Variants in TSPEAR observed in about 807,000 individuals in gnomAD.
TSPEAR encodes the protein thrombospondin-type laminin G domain and EAR repeat-containing protein.
In TSPEAR, 69 loss-of-function variants were observed where a neutral mutation model predicts 71.6. The ratio of observed to expected loss-of-function variants is 0.96; its 90% confidence interval spans 0.79 to 1.18. The LOEUF (loss-of-function observed/expected upper bound fraction) is 1.18. TSPEAR is among the 50% of genes most tolerant of loss of function. TSPEAR has a pLI of 0.00. For synonymous variants in TSPEAR, 402 were observed against 387.2 expected, an observed-to-expected ratio of 1.04 and a Z score of -0.45; for missense variants, 971 against 894.9, an observed-to-expected ratio of 1.09 and a Z score of -1.09.
chr21:44,500,723 C>T (rs1208637803), intron 11 of TSPEAR, among the ~76,000 whole-genome samples: 1 of 152,164 alleles, frequency 6.6e-6, no homozygotes, highest in African/African-American at 2.4e-5. Flanking sequence ...GAGGACAAAT[C>T]CCTTATAATG....
At chr21:44,691,794 T>A (rs1005578070) in intron 1 of TSPEAR, among the ~76,000 whole-genome samples, 5 of 152,168 alleles carry the variant, frequency 3.3e-5, no homozygotes, top group Non-Finnish European at 5.9e-5. Flanking sequence ...TTTTTTAAAA[T>A]TTAACAAAAA....
chr21:44,606,881 G>A (rs1433051964), intron 1 of TSPEAR, among the ~76,000 whole-genome samples: 3 of 152,108 alleles, frequency 2.0e-5, no homozygotes, highest in Non-Finnish European at 4.4e-5. Context: ...AGAGGAATGG[G>A]GAAGGGAGAT....
chr21:44,601,281 C>T lies in TSPEAR; in HGVS notation c.83-33276G>A, dbSNP rs781902497. 1.5e-5 allele frequency: 24 copies of T among 1,609,172 alleles called. No individual in the cohort carries two copies. The South Asian group carries it at 2.3e-4, about 16-fold the overall frequency. ...CTAGCTGCAAGCCGGCTTGCTGCAC[C>T]TCCTCCCCTTGCCAGCAGGCCTGCT... is the stretch of plus-strand genomic sequence containing the variant. On this transcript the variant is annotated intron_variant, in intron 1 of 11. Transcript: ENST00000323084.
At chr21:44,589,707 G>A (rs782236601) in intron 1 of TSPEAR, among the ~76,000 whole-genome samples, 22 of 152,192 alleles carry the variant, frequency 1.4e-4, no homozygotes, top group Non-Finnish European at 1.9e-4. Context: ...GGGTCCTGTC[G>A]GTGCCTCGGA....
chr21:44,668,567 G>T (rs1005206959), intron 1 of TSPEAR, among the ~76,000 whole-genome samples: 2 of 152,190 alleles, frequency 1.3e-5, no homozygotes, highest in African/African-American at 4.8e-5. Flanking sequence ...GGAGTCTCAA[G>T]GGACCCTAAA....
chr21:44,678,163 T>C (rs1175298339), intron 1 of TSPEAR: 3 of 521,124 alleles, frequency 5.8e-6, no homozygotes, highest in Non-Finnish European at 3.5e-6. Context: ...TGTGTACATA[T>C]GTCAAGGATG....
rs782607430 is a variant in TSPEAR, at chr21:44,531,168, G to A, written c.543-35C>T. 1.0e-5 allele frequency: 16 copies of A among 1,560,956 alleles called. No individual in the cohort carries two copies. The South Asian group carries it at 1.2e-4, about 12-fold the overall frequency. On this transcript the variant is annotated intron_variant, in intron 3 of 11. Coordinates refer to ENST00000323084, the MANE Select transcript of TSPEAR (RefSeq NM_144991.3). Reference sequence around the variant, plus strand: ...TCAAAGGACTGTGTTAGGGCCATAGGAGAGTGGTCACCCCAGTTTACTCAC... The same window carrying A: ...TCAAAGGACTGTGTTAGGGCCATAGAAGAGTGGTCACCCCAGTTTACTCAC...
intron 2 of TSPEAR, chr21:44,551,083 A>C (rs781956269): frequency 6.4e-7 from 1 of 1,573,886 alleles, no homozygotes; most frequent in Non-Finnish European, 8.7e-7. Context: ...GCTGGCTGGC[A>C]GCTAGACTGC....
intron 1 of TSPEAR, among the ~76,000 whole-genome samples, chr21:44,635,902 C>T (rs1430639780): frequency 2.0e-5 from 3 of 152,190 alleles, no homozygotes; most frequent in Non-Finnish European, 4.4e-5. Flanking sequence ...CATTTTAAAT[C>T]TTGTTTGCTC....
At chr21:44,702,575 C>T (rs1051315026) in intron 1 of TSPEAR, 1 of 1,608,540 alleles carries the variant, frequency 6.2e-7, no homozygotes, top group African/African-American at 1.3e-5. Flanking sequence ...TGCCAGCCGG[C>T]TTGCTGCACT....
chr21:44,657,913 C>T, intron 1 of TSPEAR: 1 of 1,513,060 alleles, frequency 6.6e-7, no homozygotes, highest in Non-Finnish European at 9.1e-7. Flanking sequence ...GGTATAAAGA[C>T]CACCAGAGAA....
chr21:44,526,055 T>C (rs2052848993), intron 7 of TSPEAR: 1 of 460,852 alleles, frequency 2.2e-6, no homozygotes. Context: ...AATGTCCATA[T>C]TCTTTACCCA....
intron 1 of TSPEAR, chr21:44,677,716 G>C (rs1432014969): frequency 2.8e-6 from 4 of 1,428,170 alleles, no homozygotes; most frequent in Non-Finnish European, 3.9e-6. Flanking sequence ...TGTGAGGCAG[G>C]CTGTTTAAAT....
chr21:44,552,625 C>T (rs868938792), intron 2 of TSPEAR, among the ~76,000 whole-genome samples: 10 of 152,180 alleles, frequency 6.6e-5, no homozygotes, highest in African/African-American at 1.2e-4. Flanking sequence ...AGAAATGAGA[C>T]GTGAACCTCT....
In TSPEAR at chr21:44,695,943, T is replaced by C. The variant is rs753588185; in HGVS notation, c.82+15490A>G. ...GCAGAGCCAAGCAGCTCTCCCTTAATCTCAGGATCCTCCAGGCTAGATGAG... is the reference window on the plus strand; with the variant it reads ...GCAGAGCCAAGCAGCTCTCCCTTAACCTCAGGATCCTCCAGGCTAGATGAG... On this transcript the variant is annotated intron_variant, in intron 1 of 11. Coordinates refer to ENST00000323084, the MANE Select transcript of TSPEAR (RefSeq NM_144991.3). The surrounding 1 kb of genome is among the most constrained non-coding windows in gnomAD (Gnocchi z 4.5). Among the ~76,000 whole-genome samples, 10 of 152,170 alleles carry C rather than the reference T, an allele frequency of 6.6e-5. No homozygotes were observed. Among genetic ancestry groups the C allele is most frequent in the Non-Finnish European group, 1.3e-4 (9 of 68,034 alleles).
At chr21:44,517,739 A>G (rs1281249516) in intron 9 of TSPEAR, 4 of 470,896 alleles carry the variant, frequency 8.5e-6, no homozygotes, top group Middle Eastern at 3.2e-4. Context: ...CTCTGTGGAC[A>G]TCACTCGCCT....
intron 1 of TSPEAR, among the ~76,000 whole-genome samples, chr21:44,665,579 A>C (rs1985708343): frequency 6.6e-6 from 1 of 152,158 alleles, no homozygotes; most frequent in African/African-American, 2.4e-5. Flanking sequence ...ATATGACTCA[A>C]CTCTATTTTT....
intron 1 of TSPEAR, chr21:44,602,118 T>G: frequency 2.9e-6 from 1 of 341,366 alleles, no homozygotes. Context: ...TTTCTCTGTC[T>G]TCCCTGACCA....
chr21:44,591,894 T>C (rs1335448194), intron 1 of TSPEAR: 1 of 1,592,366 alleles, frequency 6.3e-7, no homozygotes, highest in Non-Finnish European at 8.5e-7. Flanking sequence ...TGCAGCCTGA[T>C]TGGCAGGGGC....
Sources: gnomAD v4.1 joint callset for allele counts (sites outside exome capture counted in the v4.1 genomes callset) on GRCh38, gnomAD v4.1.1 for gene constraint, Gnocchi (gnomAD v3.1) non-coding constraint, MANE v1.5 for transcripts, NCBI Gene and HGNC (gene_info 2026-07-23, HGNC 2026-07-21) for gene names.